DLGAP4: variants seen among roughly 807,000 people sequenced by gnomAD.
DLGAP4 encodes the protein disks large-associated protein 4.
Under a neutral mutation model 86.9 loss-of-function variants are expected in DLGAP4, and 18 were observed. The ratio of observed to expected loss-of-function variants is 0.21; its 90% CI spans 0.14 to 0.31. The LOEUF is 0.31. DLGAP4 is among the 10% of genes least tolerant of loss of function. The pLI is 1.00. For synonymous variants in DLGAP4, 548 were observed against 574.3 expected (o/e 0.95, Z 0.65); for missense variants, 1,085 against 1,362.6 (o/e 0.80, Z 3.21).
At chr20:36,325,021 T>C (rs143035268) in intron 1 of DLGAP4, among the ~76,000 whole-genome samples, 35 of 152,242 alleles carry the variant, frequency 2.3e-4, no homozygotes, top group African/African-American at 7.9e-4. Flanking sequence ...CTTTTTCTAG[T>C]TTTGTTTTTT....
intron 2 of DLGAP4, among the ~76,000 whole-genome samples, chr20:36,371,852 C>T (rs1457103169): frequency 6.6e-6 from 1 of 152,022 alleles, no homozygotes; most frequent in Non-Finnish European, 1.5e-5. Context: ...CAGTGCTCTT[C>T]CTGGGAAGTG....
At chr20:36,512,136 C>T (rs1318594659) in intron 10 of DLGAP4, among the ~76,000 whole-genome samples, 2 of 149,462 alleles carry the variant, frequency 1.3e-5, no homozygotes, top group Non-Finnish European at 1.5e-5. Flanking sequence ...CTGCAAGCTC[C>T]ACCTCCCGGA....
At chr20:36,496,227 G>T (rs1396795417) in intron 7 of DLGAP4, among the ~76,000 whole-genome samples, 1 of 151,994 alleles carries the variant, frequency 6.6e-6, no homozygotes, top group Non-Finnish European at 1.5e-5. Flanking sequence ...AGGGAATAGG[G>T]GAGAGGGAAG....
At chr20:36,395,584 C>T (rs148576581) in intron 2 of DLGAP4, among the ~76,000 whole-genome samples, 5,873 of 152,092 alleles carry the variant, frequency 0.039, 367 homozygotes, top group African/African-American at 0.13. Context: ...CTGCAACCTC[C>T]GCCTCCCAGG....
At chr20:36,445,452 C>T (rs1028541907) in intron 6 of DLGAP4, among the ~76,000 whole-genome samples, 6 of 152,090 alleles carry the variant, frequency 3.9e-5, no homozygotes, top group Admixed American at 3.3e-4. Context: ...TGCAGTGAGC[C>T]GAGATCGCGC....
chr20:36,461,734 C>CGTCT, intron 7 of DLGAP4: 3 of 883,904 alleles, frequency 3.4e-6, no homozygotes, highest in Non-Finnish European at 3.9e-6. Flanking sequence ...CCCGTCTGTC[C>CGTCT]GTCCGTCCGT....
intron 2 of DLGAP4, among the ~76,000 whole-genome samples, chr20:36,408,442 C>T (rs914871936): frequency 2.0e-5 from 3 of 152,198 alleles, no homozygotes; most frequent in East Asian, 1.9e-4. Flanking sequence ...GGGCTGCTTC[C>T]GCGGGCATCA....
At chr20:36,462,191 TTC>T in intron 7 of DLGAP4, 2 of 1,067,792 alleles carry the variant, frequency 1.9e-6, no homozygotes, top group Non-Finnish European at 2.3e-6. Flanking sequence ...GTTGGGGTCT[TTC>T]TCCTTGGGAC....
rs1170779675 is a variant in DLGAP4, at chr20:36,396,321, GCA to G, written c.-73+29060_-73+29061del. ...TCCCAAACCCCTCACCCAGAACCCA[GCA>G]CACACACACACACGCACACACACAC... On this transcript the variant is annotated intron_variant, in intron 2 of 12. Transcript: ENST00000339266. Among the ~76,000 whole-genome samples the G allele has an allele frequency of 4.6e-3, 9 of 1,952 alleles. No individual in the cohort carries two copies. In the East Asian group the frequency reaches 0.087, roughly 19 times the overall value. The allele number at this position is 1,952 out of a possible 152,430, so 1.3% of individuals were successfully genotyped here. A position where few individuals can be genotyped will look rare whatever the true frequency, so the allele number is the denominator to read the frequency against.
intron 1 of DLGAP4, among the ~76,000 whole-genome samples, chr20:36,363,628 G>A (rs2030592761): frequency 6.6e-6 from 1 of 152,162 alleles, no homozygotes; most frequent in Non-Finnish European, 1.5e-5. Context: ...GCTGTGGAAG[G>A]AGCCACTTCA....
intron 1 of DLGAP4, among the ~76,000 whole-genome samples, chr20:36,336,713 G>A (rs1600409537): frequency 6.6e-6 from 1 of 152,182 alleles, no homozygotes; most frequent in South Asian, 2.1e-4. Context: ...AGGGCCCAGA[G>A]GGCAGCCCCC....
At chr20:36,307,273 G>C (rs782605391) in intron 1 of DLGAP4, among the ~76,000 whole-genome samples, 2 of 152,232 alleles carry the variant, frequency 1.3e-5, no homozygotes, top group African/African-American at 2.4e-5. Flanking sequence ...AGCTGGTGGC[G>C]GATGGACCAG....
At chr20:36,360,131 A>G (rs1555894106) in intron 1 of DLGAP4, among the ~76,000 whole-genome samples, 1 of 152,222 alleles carries the variant, frequency 6.6e-6, no homozygotes, top group East Asian at 1.9e-4. Context: ...ATGTGTATGC[A>G]TTAGCTCTGC....
chr20:36,377,222 ATAGG>A (rs1238981298), intron 2 of DLGAP4, among the ~76,000 whole-genome samples: 6 of 152,156 alleles, frequency 3.9e-5, no homozygotes, highest in Non-Finnish European at 8.8e-5. Flanking sequence ...AGCTTGGGTG[ATAGG>A]TAGCGATCTC....
chr20:36,390,626 C>T (rs995391045), intron 2 of DLGAP4, among the ~76,000 whole-genome samples: 1 of 152,178 alleles, frequency 6.6e-6, no homozygotes, highest in African/African-American at 2.4e-5. Flanking sequence ...CTGGTCACAG[C>T]TCCCTTCTCC....
rs1334003236 is a variant in DLGAP4, at chr20:36,350,805, G to T, written c.-303-16240G>T. Among the ~76,000 whole-genome samples the T allele has an allele frequency of 6.6e-6, 1 of 152,218 alleles. No individual in the cohort carries two copies. The highest frequency in any genetic ancestry group is 1.5e-5 in the Non-Finnish European group (1 of 68,034). On this transcript the variant is annotated intron_variant, in intron 1 of 12. Transcript: ENST00000339266. The surrounding 1 kb of genome is among the most constrained non-coding windows in gnomAD (Gnocchi z 4.4). Reference sequence around the variant, plus strand: ...ATGCTGGAGGGGACTGTCCCTCACTGCCTGACTCCTTCCCCAGTGGGCTGT... The same window carrying T: ...ATGCTGGAGGGGACTGTCCCTCACTTCCTGACTCCTTCCCCAGTGGGCTGT...
chr20:36,484,788 G>A (rs2035337915), intron 7 of DLGAP4, among the ~76,000 whole-genome samples: 1 of 152,224 alleles, frequency 6.6e-6, no homozygotes, highest in Non-Finnish European at 1.5e-5. Flanking sequence ...GGAGGTCTGG[G>A]GCAGCTGCTG....
chr20:36,484,717 G>A (rs2035334277), intron 7 of DLGAP4, among the ~76,000 whole-genome samples: 1 of 152,280 alleles, frequency 6.6e-6, no homozygotes, highest in Non-Finnish European at 1.5e-5. Context: ...TCCGAGAGGA[G>A]GCTCTGATGG....
At chr20:36,375,306 T>TAAATCACAAAA (rs2031109224) in intron 2 of DLGAP4, among the ~76,000 whole-genome samples, 1 of 152,236 alleles carries the variant, frequency 6.6e-6, no homozygotes, top group East Asian at 1.9e-4. Context: ...TTCTAAATCC[T>TAAATCACAAAA]CAAATGTTTT....
Sources: allele counts gnomAD v4.1 joint callset (sites outside exome capture counted in the v4.1 genomes callset), GRCh38; gene constraint gnomAD v4.1.1; non-coding constraint Gnocchi (gnomAD v3.1); transcripts MANE v1.5; gene names NCBI Gene and HGNC (gene_info 2026-07-23, HGNC 2026-07-21).